The following PNKD variants were observed in gnomAD, a reference collection of about 807,000 sequenced individuals.
PNKD encodes PNKD metallo-beta-lactamase domain containing.
In PNKD, 36 loss-of-function variants were observed where a neutral mutation model predicts 45.3. The ratio of observed to expected loss-of-function variants is 0.80; its 90% confidence interval spans 0.61 to 1.05. The LOEUF (loss-of-function observed/expected upper bound fraction) is 1.05, where lower values mean the gene tolerates loss of function less well. PNKD is among the 50% of genes least tolerant of loss of function. The probability of loss-of-function intolerance (pLI) is 0.00; values close to 1 mark genes in which losing one functional copy is unlikely to be tolerated. For synonymous variants in PNKD, 197 were observed against 210.1 expected (o/e 0.94, Z 0.54); for missense variants, 511 against 506.6 (o/e 1.01, Z -0.08).
chr2:218,303,646 G>A (rs181135241), intron 2 of PNKD, among the ~76,000 whole-genome samples: 120 of 145,010 alleles, frequency 8.3e-4, no homozygotes, highest in Non-Finnish European at 1.1e-3. Flanking sequence ...GCATGATCTC[G>A]GCTCACTGCA....
intron 2 of PNKD, among the ~76,000 whole-genome samples, chr2:218,330,984 G>T (rs535180336): frequency 2.8e-4 from 43 of 152,338 alleles, no homozygotes; most frequent in Non-Finnish European, 5.0e-4. Flanking sequence ...GGAAACTGAG[G>T]TTAGGGGAGT....
At position 218,340,881 on chromosome 2, in the gene PNKD, G is replaced by C. The variant is rs1454848877; in HGVS notation, c.524+95G>C. The C allele has an allele frequency of 9.7e-7, 1 of 1,030,700 alleles. No individual in the cohort carries two copies. Among genetic ancestry groups the C allele is most frequent in the Non-Finnish European group, 1.5e-6 (1 of 650,292 alleles). The allele number at this position is 1,030,700 out of a possible 1,614,324, so 63.8% of individuals were successfully genotyped here. On this transcript the variant is annotated intron_variant, in intron 5 of 9. Transcript: ENST00000273077. The surrounding 1 kb of genome is among the most constrained non-coding windows in gnomAD (Gnocchi z 4.2). Reference sequence around the variant, plus strand: ...GACGGCCGGGGCCAGAGATCAAGAAGTCAGTACGGGCCGGCACCCGCCTTC... The same window carrying C: ...GACGGCCGGGGCCAGAGATCAAGAACTCAGTACGGGCCGGCACCCGCCTTC...
At position 218,318,810 on chromosome 2, in the gene PNKD, G is replaced by A. The variant is rs77679753; in HGVS notation, c.237-20973G>A. 4.4e-3 allele frequency among the ~76,000 whole-genome samples: 677 copies of A among 152,224 alleles called. 7 individuals carry two copies. The highest frequency in any genetic ancestry group is 0.016 in the African/African-American group (646 of 41,532). On this transcript the variant is annotated intron_variant, in intron 2 of 9. Transcript: ENST00000273077. ...GAAAAGTGCTATGAAAGTGAAGGAC[G>A]TAAGCACAGTAATATTAGTAATAGA...
intron 2 of PNKD, among the ~76,000 whole-genome samples, chr2:218,273,902 A>G (rs6758540): frequency 0.36 from 54,287 of 151,950 alleles, 10,049 homozygotes; most frequent in Middle Eastern, 0.5. Flanking sequence ...CAGCTCTTTG[A>G]GGAAGAGAGT....
At position 218,340,076 on chromosome 2, in the gene PNKD, CTCA is replaced by C. The variant is rs1232699222; in HGVS notation, c.406_408del (p.Ile136del). On this transcript the variant is annotated inframe_deletion, in exon 4 of 10. Transcript: ENST00000273077. The surrounding 1 kb of genome is among the most constrained non-coding windows in gnomAD (Gnocchi z 4.2). ...TGTCCTCTCGGACAACTACAGCTAC[CTCA>C]TCATCGACACCCAGGCCCAGCTGGC... is the stretch of plus-strand genomic sequence containing the variant. 1.2e-6 allele frequency: 2 copies of C among 1,614,014 alleles called. No homozygotes were observed. Among genetic ancestry groups the C allele is most frequent in the East Asian group, 2.2e-5 (1 of 44,876 alleles).
At chr2:218,335,533 A>G (rs995000866) in intron 2 of PNKD, among the ~76,000 whole-genome samples, 5 of 152,052 alleles carry the variant, frequency 3.3e-5, no homozygotes, top group African/African-American at 4.8e-5. Flanking sequence ...GAACCTTCAC[A>G]AGGACAGTGA....
chr2:218,279,010 G>A, intron 2 of PNKD: 1 of 1,613,638 alleles, frequency 6.2e-7, no homozygotes, highest in Non-Finnish European at 8.5e-7. Flanking sequence ...CTGCCTCCCT[G>A]CCCAACCACA....
intron 2 of PNKD, among the ~76,000 whole-genome samples, chr2:218,304,391 G>A (rs1266173260): frequency 5.3e-5 from 8 of 151,948 alleles, no homozygotes; most frequent in African/African-American, 1.2e-4. Flanking sequence ...TCATCCACCC[G>A]CCTCGGCCTC....
chr2:218,277,086 G>C, intron 2 of PNKD: 1 of 1,614,130 alleles, frequency 6.2e-7, no homozygotes, highest in Non-Finnish European at 8.5e-7. Context: ...GCCTGTGCAC[G>C]AGGTGAAGTC....
At chr2:218,343,413 C>T (rs763207684) in intron 7 of PNKD, 87 bp from the exon 8 acceptor site, 2 of 1,050,848 alleles carry the variant, frequency 1.9e-6, no homozygotes, top group Admixed American at 3.9e-5. Flanking sequence ...CAGAGCATTA[C>T]AAGCTGGTTC....
chr2:218,321,941 T>TTTC (rs1486208698), intron 2 of PNKD, among the ~76,000 whole-genome samples: 3 of 141,070 alleles, frequency 2.1e-5, no homozygotes, highest in African/African-American at 8.0e-5. Context: ...ACTCTTTTTT[T>TTTC]TTTTTTTTTT....
chr2:218,311,958 A>G (rs1436522881), intron 2 of PNKD, among the ~76,000 whole-genome samples: 1 of 152,218 alleles, frequency 6.6e-6, no homozygotes, highest in Non-Finnish European at 1.5e-5. Flanking sequence ...GTCCCTGGGT[A>G]ATCGAGAATG....
intron 2 of PNKD, chr2:218,280,105 C>A (rs1691725855): frequency 1.9e-6 from 3 of 1,614,058 alleles, no homozygotes; most frequent in Non-Finnish European, 2.5e-6. Context: ...TCTCTCCTCC[C>A]CATCATAGCC....
intron 9 of PNKD, 63 bp from the exon 10 acceptor site, chr2:218,344,745 C>T: frequency 6.5e-7 from 1 of 1,548,988 alleles, no homozygotes; most frequent in Non-Finnish European, 8.9e-7. Context: ...TCGGGTCAGG[C>T]TTCTCTGTCT....
chr2:218,296,671 T>TTC (rs997276119), intron 2 of PNKD, among the ~76,000 whole-genome samples: 2 of 148,540 alleles, frequency 1.3e-5, no homozygotes, highest in African/African-American at 5.2e-5. Flanking sequence ...CTGTTTTTCT[T>TTC]TTTCTTTCTT....
intron 2 of PNKD, chr2:218,275,934 T>A: frequency 6.9e-7 from 1 of 1,450,686 alleles, no homozygotes; most frequent in Non-Finnish European, 9.5e-7. Flanking sequence ...CCCCATTCCC[T>A]GCCTCCCAGG....
chr2:218,300,169 A>G (rs1473503335), intron 2 of PNKD, among the ~76,000 whole-genome samples: 1 of 152,216 alleles, frequency 6.6e-6, no homozygotes, highest in Non-Finnish European at 1.5e-5. Context: ...GGTTCTCAGC[A>G]GCAAAATCTC....
intron 7 of PNKD, 92 bp downstream of exon 7, chr2:218,342,236 G>C (rs1343020767): frequency 9.5e-7 from 1 of 1,055,436 alleles, no homozygotes; most frequent in African/African-American, 1.6e-5. Flanking sequence ...TGAAGCCTTA[G>C]TTTTAGCACA....
At chr2:218,319,371 C>CTTTTTTTTTTTTTTTTTTTTT (rs35553031) in intron 2 of PNKD, among the ~76,000 whole-genome samples, 1 of 80,216 alleles carries the variant, frequency 1.2e-5, no homozygotes. Flanking sequence ...TCTTGTTTGT[C>CTTTTTTTTTTTTTTTTTTTTT]TTTTTTTTTT....
Sources: gnomAD v4.1 joint callset for allele counts (sites outside exome capture counted in the v4.1 genomes callset) on GRCh38, gnomAD v4.1.1 for gene constraint, Gnocchi (gnomAD v3.1) non-coding constraint, MANE v1.5 for transcripts, NCBI Gene and HGNC (gene_info 2026-07-23, HGNC 2026-07-21) for gene names.